TMEM156: variants seen among roughly 807,000 people sequenced by gnomAD.
The protein encoded by TMEM156 is transmembrane protein 156.
In TMEM156, 28 loss-of-function variants were observed where a neutral mutation model predicts 30.5. The ratio of observed to expected loss-of-function variants is 0.92; its 90% CI spans 0.68 to 1.26. The LOEUF (loss-of-function observed/expected upper bound fraction) is 1.26, where lower values mean the gene tolerates loss of function less well. TMEM156 is among the 50% of genes most tolerant of loss of function. TMEM156 has a pLI of 0.00. For missense variants in TMEM156, 351 were observed against 340.6 expected (o/e 1.03, Z -0.24); for synonymous variants, 137 against 119.9 (o/e 1.14, Z -0.93).
At chr4:39,024,638 A>AG (rs1209860455) in intron 1 of TMEM156, among the ~76,000 whole-genome samples, 1 of 152,152 alleles carries the variant, frequency 6.6e-6, no homozygotes, top group East Asian at 1.9e-4. Context: ...GAACACATAG[A>AG]GGGGAAAAAC....
chr4:38,970,565 T>TA (rs1002400076), intron 6 of TMEM156, among the ~76,000 whole-genome samples: 3 of 151,518 alleles, frequency 2.0e-5, no homozygotes, highest in Non-Finnish European at 4.4e-5. Context: ...GATGAATGAA[T>TA]AAAAAAAAAT....
intron 5 of TMEM156, among the ~76,000 whole-genome samples, chr4:38,975,025 T>C (rs982044800): frequency 6.6e-6 from 1 of 152,034 alleles, no homozygotes; most frequent in Non-Finnish European, 1.5e-5. Context: ...CAGGAATAAA[T>C]AGGCCATTTC....
At position 38,986,866 on chromosome 4, in the gene TMEM156, CTT is replaced by C. The variant is rs1016335094; in HGVS notation, c.740-449_740-448del. On this transcript the variant is annotated intron_variant, in intron 4 of 6. Transcript: ENST00000381938. The stretch of plus-strand genomic sequence containing the variant: ...AAAAAAAAAAAGGAAAGCGACAGCT[CTT>C]ATACACAGAAAAGTATATTTTTATC... 2.8e-5 allele frequency among the ~76,000 whole-genome samples: 3 copies of C among 106,806 alleles called. No individual in the cohort carries two copies. The Admixed American group carries it at 3.3e-4, about 12-fold the overall frequency. 70.1% of individuals were successfully genotyped at this position (106,806 alleles called of 152,430 possible).
chr4:38,990,574 C>A (rs1473947844), intron 3 of TMEM156, among the ~76,000 whole-genome samples: 1 of 152,160 alleles, frequency 6.6e-6, no homozygotes, highest in Non-Finnish European at 1.5e-5. Flanking sequence ...GTGCAGCCAC[C>A]AGCATGATCT....
intron 1 of TMEM156, among the ~76,000 whole-genome samples, chr4:39,021,134 G>T (rs893568669): frequency 3.3e-5 from 5 of 152,192 alleles, no homozygotes; most frequent in African/African-American, 1.2e-4. Context: ...CTGATGCAGT[G>T]GTTGATGCCA....
At chr4:39,003,410 C>T (rs1413679158) in intron 1 of TMEM156, among the ~76,000 whole-genome samples, 1 of 152,098 alleles carries the variant, frequency 6.6e-6, no homozygotes, top group Non-Finnish European at 1.5e-5. Context: ...TCTCGGCTCA[C>T]TGCAACCTCT....
chr4:38,989,924 G>A (rs951049792), intron 3 of TMEM156, among the ~76,000 whole-genome samples: 7 of 152,000 alleles, frequency 4.6e-5, no homozygotes, highest in Admixed American at 2.0e-4. Context: ...CTCAGCCTCC[G>A]AGGGGATTAC....
At chr4:39,031,605 G>A (rs1420884935) in intron 1 of TMEM156, among the ~76,000 whole-genome samples, 1 of 151,972 alleles carries the variant, frequency 6.6e-6, no homozygotes, top group Non-Finnish European at 1.5e-5. Context: ...GCTGCTTTGG[G>A]CCAGGCACAG....
intron 1 of TMEM156, 38 bp from the exon 2 acceptor site, chr4:38,998,947 A>G: frequency 6.4e-7 from 1 of 1,560,168 alleles, no homozygotes; most frequent in Non-Finnish European, 8.6e-7. Context: ...TTTACTGTAA[A>G]GCTTTGAGTT....
chr4:39,001,511 A>G (rs1218577339), intron 1 of TMEM156, among the ~76,000 whole-genome samples: 2 of 151,700 alleles, frequency 1.3e-5, no homozygotes, highest in African/African-American at 4.8e-5. Context: ...TTTCTAAATA[A>G]TATGGAGCAC....
At chr4:38,996,674 A>G (rs933663089) in intron 2 of TMEM156, among the ~76,000 whole-genome samples, 1 of 152,212 alleles carries the variant, frequency 6.6e-6, no homozygotes, top group Non-Finnish European at 1.5e-5. Context: ...TCCGGCTACT[A>G]TGGAAAACTG....
Position 38,967,585 on chromosome 4 carries a change from C to T in TMEM156, c.*95G>A, listed in dbSNP as rs919240534. The T allele has an allele frequency of 1.3e-5, 2 of 152,178 alleles. No homozygotes were observed. Among genetic ancestry groups the T allele is most frequent in the Admixed American group, 6.5e-5 (1 of 15,270 alleles). 9.4% of individuals were successfully genotyped at this position (152,178 alleles called of 1,614,324 possible). ...AAACATTTTCCAGTCTACTCATTCACAAAATAAACTTCTGAGTATTCTTCA... is the reference window on the plus strand; with the variant it reads ...AAACATTTTCCAGTCTACTCATTCATAAAATAAACTTCTGAGTATTCTTCA... On this transcript the variant is annotated 3_prime_UTR_variant, in exon 7 of 7. Transcript: ENST00000381938.
chr4:38,979,932 A>ATAG (rs1723095519), intron 5 of TMEM156, among the ~76,000 whole-genome samples: 1 of 152,162 alleles, frequency 6.6e-6, no homozygotes, highest in Non-Finnish European at 1.5e-5. Flanking sequence ...CATCATTCTG[A>ATAG]CCTTTTCATC....
At chr4:38,982,259 A>C (rs1577516712) in intron 5 of TMEM156, among the ~76,000 whole-genome samples, 1 of 151,976 alleles carries the variant, frequency 6.6e-6, no homozygotes, top group South Asian at 2.1e-4. Flanking sequence ...TGGCTTCCTT[A>C]CTCCTCAGCT....
chr4:38,975,379 C>CTTTTTTTT (rs200919074), intron 5 of TMEM156, among the ~76,000 whole-genome samples: 2 of 123,798 alleles, frequency 1.6e-5, no homozygotes, highest in Admixed American at 9.1e-5. Context: ...TTTCTTTTTT[C>CTTTTTTTT]TTTTCTTTTT....
At chr4:39,030,071 C>T (rs1476888949) in intron 1 of TMEM156, among the ~76,000 whole-genome samples, 7 of 151,658 alleles carry the variant, frequency 4.6e-5, no homozygotes, top group African/African-American at 1.5e-4. Flanking sequence ...AATAAATCCA[C>T]CTGAGTGTGG....
At chr4:38,990,840 T>TTG (rs1423810014) in intron 3 of TMEM156, among the ~76,000 whole-genome samples, 4 of 131,756 alleles carry the variant, frequency 3.0e-5, no homozygotes, top group African/African-American at 1.1e-4. Flanking sequence ...GTTTTTTTTT[T>TTG]TTTTTTTTTT....
rs542089944 is a variant in TMEM156, at chr4:39,002,682, C to T, written c.89-3773G>A. Among the ~76,000 whole-genome samples the T allele has an allele frequency of 8.7e-5, 13 of 149,634 alleles. No individual in the cohort carries two copies. In the East Asian group the frequency reaches 1.8e-3, roughly 20 times the overall value. The stretch of plus-strand genomic sequence containing the variant: ...GGATTAAGAAAATGTGGCACATATA[C>T]GCCATGGAATACTATGCAGCCATAA... On this transcript the variant is annotated intron_variant, in intron 1 of 6. Coordinates refer to ENST00000381938, the MANE Select transcript of TMEM156 (RefSeq NM_024943.3).
At chr4:38,980,656 G>T (rs761052081) in intron 5 of TMEM156, among the ~76,000 whole-genome samples, 1 of 152,180 alleles carries the variant, frequency 6.6e-6, no homozygotes, top group Non-Finnish European at 1.5e-5. Context: ...AAAGATGTAC[G>T]GTGTTATGAG....
Sources: allele counts gnomAD v4.1 joint callset (sites outside exome capture counted in the v4.1 genomes callset), GRCh38; gene constraint gnomAD v4.1.1; transcripts MANE v1.5; gene names NCBI Gene and HGNC (gene_info 2026-07-23, HGNC 2026-07-21).